The following SUPV3L1 variants were observed in gnomAD, a reference collection of about 807,000 sequenced individuals.
The protein encoded by SUPV3L1 is ATP-dependent RNA helicase SUPV3L1, mitochondrial.
SUPV3L1 carries 35 observed loss-of-function variants against 70.0 expected under a neutral mutation model. The ratio of observed to expected loss-of-function variants is 0.50; its 90% confidence interval spans 0.38 to 0.66. The LOEUF is 0.66. Among genes scored for constraint, SUPV3L1 ranks in the 30% least tolerant of loss-of-function variants. The pLI is 0.00. For synonymous variants in SUPV3L1, 364 were observed against 341.9 expected (o/e 1.06, Z -0.71); for missense variants, 777 against 961.5 (o/e 0.81, Z 2.54).
intron 13 of SUPV3L1, among the ~76,000 whole-genome samples, chr10:69,206,495 G>A (rs911667073): frequency 1.3e-5 from 2 of 152,210 alleles, no homozygotes; most frequent in African/African-American, 2.4e-5. Flanking sequence ...TACAGGTGAT[G>A]TATAATATTG....
chr10:69,182,459 A>G, intron 1 of SUPV3L1: 1 of 926,384 alleles, frequency 1.1e-6, no homozygotes, highest in Non-Finnish European at 1.3e-6. Flanking sequence ...GCATAAGGTA[A>G]TTTGGATGAG....
At chr10:69,193,738 T>C (rs528278427) in intron 6 of SUPV3L1, among the ~76,000 whole-genome samples, 2 of 152,316 alleles carry the variant, frequency 1.3e-5, no homozygotes, top group South Asian at 2.1e-4. Context: ...ATCTGATGAT[T>C]GTTCAATATA....
chr10:69,183,645 A>C (rs866201746), intron 1 of SUPV3L1, among the ~76,000 whole-genome samples: 14 of 152,138 alleles, frequency 9.2e-5, no homozygotes, highest in African/African-American at 3.4e-4. Context: ...TTGCACCACC[A>C]CACTCCAGCC....
chr10:69,180,417 T>G lies in SUPV3L1; in HGVS notation c.126T>G (p.Val42=). ...CCTTTCCCGGGGTTCTGGGGCAAGT[T>G]TCTGTCCTTGCCACCGCCTCCTCCT... ...FGPFPGVLGQ[V]SVLATASSSA... is the part of the protein sequence containing the mutation. Residue 42 remains valine (V), a synonymous_variant, in exon 1 of 15, where the codon GTT becomes GTG. Coordinates refer to ENST00000359655, the MANE Select transcript of SUPV3L1 (RefSeq NM_003171.5). 6.2e-7 allele frequency: 1 copy of G among 1,614,242 alleles called. No homozygotes were observed. The highest frequency in any genetic ancestry group is 8.5e-7 in the Non-Finnish European group (1 of 1,180,042).
chr10:69,198,953 CT>C (rs1842613937), intron 9 of SUPV3L1, 150 bp from the exon 10 acceptor site: 1 of 620,370 alleles, frequency 1.6e-6, no homozygotes, highest in Non-Finnish European at 2.7e-6. Flanking sequence ...ATAAGTGGCT[CT>C]TTGAGGATAT....
chr10:69,182,519 G>T (rs1842094363), intron 1 of SUPV3L1: 1 of 985,308 alleles, frequency 1.0e-6, no homozygotes, highest in Non-Finnish European at 1.2e-6. Flanking sequence ...ATTTTCTGCA[G>T]CTATTCCAAT....
At chr10:69,182,709 T>G in intron 1 of SUPV3L1, 1 of 984,162 alleles carries the variant, frequency 1.0e-6, no homozygotes, top group Non-Finnish European at 1.2e-6. Context: ...TTTACTAGAA[T>G]GATTTTTCAG....
Position 69,200,494 on chromosome 10 carries a change from A to T in SUPV3L1, c.1513A>T (p.Ile505Leu), listed in dbSNP as rs772047938. The change falls in exon 11 of 15, where the codon ATA becomes TTA. Residue 505 changes from isoleucine to leucine, a missense_variant. By Grantham distance (5) the Ile-to-Leu change is conservative (BLOSUM62 2). Coordinates refer to ENST00000359655, the MANE Select transcript of SUPV3L1 (RefSeq NM_003171.5). The stretch of plus-strand genomic sequence containing the variant: ...AATTTTGAAGAGGCCTGTGGATCCT[A>T]TAAGGGTAAGAGGTAACATGTTAAC... Reference protein sequence around the residue: ...KEILKRPVDPIRAAGLHPTAE... With the variant: ...KEILKRPVDPLRAAGLHPTAE... 1 of 1,612,846 alleles carries T rather than the reference A, an allele frequency of 6.2e-7. No homozygotes were observed. Among genetic ancestry groups the T allele is most frequent in the Non-Finnish European group, 8.5e-7 (1 of 1,178,950 alleles).
rs186178797 is a variant in SUPV3L1 at position 69,193,659 on chromosome 10, C to G, written c.854-1529C>G. Among the ~76,000 whole-genome samples the G allele has an allele frequency of 1.1e-3, 170 of 152,278 alleles. 2 individuals are homozygous for G. The East Asian group carries it at 0.029, about 26-fold the overall frequency. ...TCCCGGGCTCAAGCAGTCCGCCTCG[C>G]CTCGGCCTCCCAAAGTGCTGGGATT... On this transcript the variant is annotated intron_variant, in intron 6 of 14. Transcript: ENST00000359655.
chr10:69,202,434 A>G lies in SUPV3L1; in HGVS notation c.1519-5A>G, dbSNP rs1465419841. On this transcript the variant is annotated splice_polypyrimidine_tract_variant and splice_region_variant and intron_variant, in intron 11 of 14. Coordinates refer to ENST00000359655, the MANE Select transcript of SUPV3L1 (RefSeq NM_003171.5). Reference sequence around the variant, plus strand: ...GCTTATGATTGTTTTTTCTTTTACTAAAAGGCAGCTGGTCTTCATCCAACT... The same window carrying G: ...GCTTATGATTGTTTTTTCTTTTACTGAAAGGCAGCTGGTCTTCATCCAACT... 1.3e-6 allele frequency: 2 copies of G among 1,599,968 alleles called. No individual in the cohort carries two copies. The highest frequency in any genetic ancestry group is 1.4e-5 in the African/African-American group (1 of 73,918).
intron 12 of SUPV3L1, 134 bp downstream of exon 12, chr10:69,202,653 A>C: frequency 1.8e-6 from 2 of 1,130,124 alleles, no homozygotes; most frequent in Non-Finnish European, 2.5e-6. Flanking sequence ...TTACAAGTGA[A>C]AATTTTTTCT....
chr10:69,184,954 A>G (rs1382844334), intron 1 of SUPV3L1, among the ~76,000 whole-genome samples: 1 of 152,218 alleles, frequency 6.6e-6, no homozygotes, highest in Non-Finnish European at 1.5e-5. Flanking sequence ...ATGCTGTAGT[A>G]TTTTAACATA....
Position 69,189,381 on chromosome 10 carries a change from T to C in SUPV3L1, c.687T>C (p.Tyr229=), listed in dbSNP as rs1842325521. ...QKYFSAKSGV[Y]CGPLKLLAHE... ...ACTTCTCAGCAAAGTCTGGAGTGTA[T>C]TGTGGCCCTCTAAAATTACTGGCAC... Residue 229 remains tyrosine, a synonymous_variant, in exon 5 of 15, where the codon TAT becomes TAC. Transcript: ENST00000359655. 7 of 1,613,638 alleles carry C rather than the reference T, an allele frequency of 4.3e-6. No individual in the cohort carries two copies. The highest frequency in any genetic ancestry group is 3.4e-6 in the Non-Finnish European group (4 of 1,179,776).
At chr10:69,195,425 T>G in intron 7 of SUPV3L1, 160 bp downstream of exon 7, 1 of 425,266 alleles carries the variant, frequency 2.4e-6, no homozygotes. Flanking sequence ...TAAATATTAT[T>G]TTAATAATGG....
At chr10:69,202,087 C>T (rs1223179212) in intron 11 of SUPV3L1, among the ~76,000 whole-genome samples, 1 of 152,090 alleles carries the variant, frequency 6.6e-6, no homozygotes, top group African/African-American at 2.4e-5. Context: ...GATCCGCCCA[C>T]CTTGGCCTCC....
intron 14 of SUPV3L1, 95 bp from the exon 15 acceptor site, chr10:69,208,505 A>G: frequency 7.6e-7 from 1 of 1,316,332 alleles, no homozygotes. Context: ...GAACATTTAG[A>G]ATTTATCAAT....
intron 1 of SUPV3L1, among the ~76,000 whole-genome samples, chr10:69,184,804 G>C (rs1258389590): frequency 1.3e-5 from 2 of 152,106 alleles, no homozygotes; most frequent in Non-Finnish European, 2.9e-5. Context: ...GTGAAAATGT[G>C]GTTGGCACAT....
In SUPV3L1 at chr10:69,208,626, A is replaced by G. The variant is rs200270601; in HGVS notation, c.1952A>G (p.Asp651Gly). The change falls in exon 15 of 15, where the codon GAT becomes GGT. Residue 651 changes from aspartate (D) to glycine (G), a missense_variant. Transcript: ENST00000359655. The stretch of plus-strand genomic sequence containing the variant: ...TACCGATTTATGGATATGTTTCCAG[A>G]TGCCAGCCTTATTCGAGATCTCCAG... ...LSYRFMDMFP[D>G]ASLIRDLQKE... 1.1e-5 allele frequency: 18 copies of G among 1,612,674 alleles called. No individual in the cohort carries two copies. Among genetic ancestry groups the G allele is most frequent in the Middle Eastern group, 1.7e-4 (1 of 6,054 alleles).
rs1842212447 is a variant in SUPV3L1, at chr10:69,185,892, T to G, written c.272-95T>G. The G allele has an allele frequency of 6.8e-6, 6 of 881,076 alleles. No individual in the cohort carries two copies. The South Asian group carries it at 8.3e-5, about 12-fold the overall frequency. The allele number at this position is 881,076 out of a possible 1,614,324, so 54.6% of individuals were successfully genotyped here. A position where few individuals can be genotyped will look rare whatever the true frequency, so the allele number is the denominator to read the frequency against. On this transcript the variant is annotated intron_variant, in intron 1 of 14. Coordinates refer to ENST00000359655, the MANE Select transcript of SUPV3L1 (RefSeq NM_003171.5). ...CTAGTTCTTGCAACACTCATTAGAC[T>G]GCTGCCTTTAGTGTTATTGCTTCAA... is the stretch of plus-strand genomic sequence containing the variant.
Sources: allele counts gnomAD v4.1 joint callset (sites outside exome capture counted in the v4.1 genomes callset), GRCh38; gene constraint gnomAD v4.1.1; transcripts MANE v1.5; gene names NCBI Gene and HGNC (gene_info 2026-07-23, HGNC 2026-07-21).